The following DROSHA variants were observed in gnomAD, a reference collection of about 807,000 sequenced individuals.
DROSHA encodes ribonuclease 3.
A neutral mutation model predicts 181.9 loss-of-function variants in DROSHA; 56 were observed. The ratio of observed to expected loss-of-function variants is 0.31; its 90% CI spans 0.25 to 0.38. DROSHA has a LOEUF of 0.38. DROSHA is among the 10% of genes least tolerant of loss of function. The pLI, the probability that DROSHA is intolerant of heterozygous loss-of-function variation, is 1.00. For missense variants in DROSHA, 1,218 were observed against 1,743.5 expected, an observed-to-expected ratio of 0.70 and a Z score of 5.37; for synonymous variants, 524 against 591.2, an observed-to-expected ratio of 0.89 and a Z score of 1.65.
intron 16 of DROSHA, 121 bp downstream of exon 16, chr5:31,483,433 A>G (rs995757719): frequency 1.1e-6 from 1 of 917,652 alleles, no homozygotes. Context: ...GCCTAACCTG[A>G]GAAGTAGATA....
At chr5:31,448,492 T>G (rs551217166) in intron 23 of DROSHA, 55 bp downstream of exon 23, 35 of 1,454,426 alleles carry the variant, frequency 2.4e-5, no homozygotes, top group Non-Finnish European at 9.6e-6. Context: ...ATGAGTAAAC[T>G]GTATAGTACG....
At chr5:31,436,505 G>A (rs1334491048) in intron 24 of DROSHA, among the ~76,000 whole-genome samples, 1 of 150,370 alleles carries the variant, frequency 6.7e-6, no homozygotes, top group Non-Finnish European at 1.5e-5. Flanking sequence ...TGATTCTCCT[G>A]CCTCAGACTC....
intron 15 of DROSHA, 88 bp downstream of exon 15, chr5:31,484,793 A>G: frequency 1.1e-6 from 1 of 899,078 alleles, no homozygotes; most frequent in Non-Finnish European, 1.7e-6. Context: ...AATTTCAACT[A>G]TCTCCCTACA....
intron 5 of DROSHA, among the ~76,000 whole-genome samples, chr5:31,523,993 A>C (rs897876019): frequency 3.8e-4 from 48 of 126,436 alleles, no homozygotes; most frequent in Middle Eastern, 4.2e-3. Flanking sequence ...AAAAAAAAAA[A>C]AACAACAAAA....
chr5:31,492,405 G>T (rs1752529357), intron 13 of DROSHA, among the ~76,000 whole-genome samples: 1 of 152,194 alleles, frequency 6.6e-6, no homozygotes. Flanking sequence ...GAAGTAAACA[G>T]TACTAAAATA....
At chr5:31,431,380 AAAAAAAAAAG>A (rs1400897002) in intron 26 of DROSHA, among the ~76,000 whole-genome samples, 186 bp downstream of exon 26, 1 of 150,724 alleles carries the variant, frequency 6.6e-6, no homozygotes, top group East Asian at 1.9e-4. Context: ...AAAAAAAAAA[AAAAAAAAAAG>A]AGGCATGTTC....
At chr5:31,407,949 G>T (rs1271955917) in intron 33 of DROSHA, among the ~76,000 whole-genome samples, 2 of 152,070 alleles carry the variant, frequency 1.3e-5, no homozygotes, top group South Asian at 4.2e-4. Flanking sequence ...ATAATAAAGT[G>T]CTATTTCTAA....
At chr5:31,427,639 C>CA (rs1743647177) in intron 27 of DROSHA, among the ~76,000 whole-genome samples, 1 of 152,206 alleles carries the variant, frequency 6.6e-6, no homozygotes, top group Admixed American at 6.5e-5. Flanking sequence ...AAACTGGCCA[C>CA]AGCCAAGAAC....
intron 11 of DROSHA, among the ~76,000 whole-genome samples, chr5:31,497,450 C>CA (rs2044418192): frequency 2.0e-5 from 3 of 152,234 alleles, no homozygotes; most frequent in Admixed American, 2.0e-4. Flanking sequence ...GACATCCAGA[C>CA]AGTCCTCCTC....
intron 25 of DROSHA, among the ~76,000 whole-genome samples, chr5:31,435,116 G>C (rs1347717022): frequency 6.6e-6 from 1 of 152,216 alleles, no homozygotes; most frequent in Non-Finnish European, 1.5e-5. Context: ...CTGTTTGTAA[G>C]AGGAGGAGTG....
intron 15 of DROSHA, 67 bp downstream of exon 15, chr5:31,484,812 AAG>A: frequency 8.7e-7 from 1 of 1,144,676 alleles, no homozygotes; most frequent in Non-Finnish European, 1.2e-6. Flanking sequence ...CAACTTTTAT[AAG>A]AGTTTTCACA....
intron 16 of DROSHA, among the ~76,000 whole-genome samples, chr5:31,481,566 C>T (rs917796902): frequency 6.6e-6 from 1 of 152,118 alleles, no homozygotes; most frequent in Non-Finnish European, 1.5e-5. Flanking sequence ...ATTCATTCAC[C>T]AGAAGAGAAG....
At position 31,486,703 on chromosome 5, in the gene DROSHA, T is replaced by A. The variant is rs1751811130; in HGVS notation, c.1843-141A>T. 6.3e-6 allele frequency: 4 copies of A among 631,358 alleles called. No homozygotes were observed. In the South Asian group the frequency reaches 6.7e-5, roughly 11 times the overall value. The allele number at this position is 631,358 out of a possible 1,614,324, so 39.1% of individuals were successfully genotyped here. ...TCTCAGCGGCTAACAACACTGCACA[T>A]GAAGCTTGACCACAACTGCTGGATT... On this transcript the variant is annotated intron_variant, in intron 13 of 35. Transcript: ENST00000344624.
At chr5:31,492,229 T>C (rs1175633669) in intron 13 of DROSHA, among the ~76,000 whole-genome samples, 1 of 152,252 alleles carries the variant, frequency 6.6e-6, no homozygotes, top group Non-Finnish European at 1.5e-5. Context: ...TAAAAAATAC[T>C]GTGAAATAAA....
In DROSHA at chr5:31,400,812, A is replaced by G. The variant is rs572778725; in HGVS notation, c.*620T>C. 6.5e-6 allele frequency: 1 copy of G among 153,490 alleles called. No homozygotes were observed. Among genetic ancestry groups the G allele is most frequent in the African/African-American group, 2.4e-5 (1 of 41,592 alleles). The allele number at this position is 153,490 out of a possible 1,614,324, so 9.5% of individuals were successfully genotyped here. A position where few individuals can be genotyped will look rare whatever the true frequency, so the allele number is the denominator to read the frequency against. On this transcript the variant is annotated 3_prime_UTR_variant, in exon 36 of 36. Transcript: ENST00000344624. ...TTAAAGTGTGGCCTGGCTTAGAATC[A>G]TGATTTCTCTCCTATTCTAATGATT...
intron 16 of DROSHA, among the ~76,000 whole-genome samples, chr5:31,477,846 G>A (rs1253003351): frequency 6.6e-6 from 1 of 152,126 alleles, no homozygotes; most frequent in Non-Finnish European, 1.5e-5. Context: ...ACAAAAATTT[G>A]AGAAAAAATT....
chr5:31,521,067 A>C, intron 6 of DROSHA, 56 bp downstream of exon 6: 1 of 1,583,882 alleles, frequency 6.3e-7, no homozygotes, highest in African/African-American at 1.3e-5. Context: ...CAAGCACAAA[A>C]TCTGAATTCA....
At position 31,411,722 on chromosome 5, in the gene DROSHA, A is replaced by C. The variant is rs1741333084; in HGVS notation, c.3526-835T>G. ...GCTCACTGCAACCTCCACCTTCTGG[A>C]CTCAAGCTATCCTCCCACCTCAGCC... On this transcript the variant is annotated intron_variant, in intron 30 of 35. Coordinates refer to ENST00000344624, the MANE Select transcript of DROSHA (RefSeq NM_001382508.1). This position sits in a 1 kb window ranked among gnomAD's most constrained non-coding sequence, Gnocchi z 4.2. 6.6e-6 allele frequency among the ~76,000 whole-genome samples: 1 copy of C among 151,820 alleles called. No individual in the cohort carries two copies. The highest frequency in any genetic ancestry group is 1.5e-5 in the Non-Finnish European group (1 of 67,954).
chr5:31,404,155 G>A (rs1478675014), intron 35 of DROSHA, among the ~76,000 whole-genome samples: 1 of 151,254 alleles, frequency 6.6e-6, no homozygotes, highest in East Asian at 1.9e-4. Flanking sequence ...TTAAGGAACT[G>A]CTACATACTG....
Sources: allele counts gnomAD v4.1 joint callset (sites outside exome capture counted in the v4.1 genomes callset), GRCh38; gene constraint gnomAD v4.1.1; non-coding constraint Gnocchi (gnomAD v3.1); transcripts MANE v1.5; gene names NCBI Gene and HGNC (gene_info 2026-07-23, HGNC 2026-07-21).